Variants in COL28A1 observed in about 807,000 individuals in gnomAD.
The protein encoded by COL28A1 is collagen type XXVIII alpha 1 chain.
Under a neutral mutation model 150.2 loss-of-function variants are expected in COL28A1, and 161 were observed. The observed-to-expected ratio is 1.07, with a 90% CI of 0.94 to 1.22. COL28A1 has a LOEUF of 1.22. COL28A1 is among the 50% of genes most tolerant of loss of function. The pLI, the probability that COL28A1 is intolerant of heterozygous loss-of-function variation, is 0.00. For synonymous variants in COL28A1, 552 were observed against 469.7 expected, an observed-to-expected ratio of 1.18 and a Z score of -2.26; for missense variants, 1,617 against 1,388.3, an observed-to-expected ratio of 1.16 and a Z score of -2.62.
At chr7:7,421,298 A>G (rs2128308702) in intron 25 of COL28A1, among the ~76,000 whole-genome samples, 1 of 152,322 alleles carries the variant, frequency 6.6e-6, no homozygotes, top group East Asian at 1.9e-4. Flanking sequence ...GGGGCCAGGG[A>G]CAGCAACATG....
upstream of COL28A1, among the ~76,000 whole-genome samples, chr7:7,540,677 T>C (rs1417522626): frequency 6.6e-6 from 1 of 152,216 alleles, no homozygotes; most frequent in Non-Finnish European, 1.5e-5. Context: ...GTATGGCTAA[T>C]AATTTATATT....
At chr7:7,338,444 C>A in the COL28A1 span, among the ~76,000 whole-genome samples, 2 of 151,842 alleles carry the variant, frequency 1.3e-5, no homozygotes, top group Admixed American at 6.6e-5. Context: ...GTATTTTATT[C>A]TTTGTAGCTA....
the COL28A1 span, among the ~76,000 whole-genome samples, chr7:7,341,731 TTTC>T: frequency 2.6e-5 from 4 of 152,188 alleles, no homozygotes; most frequent in Non-Finnish European, 4.4e-5. Context: ...TAGAAATGTG[TTTC>T]TTCATTTATA....
At chr7:7,529,656 C>G (rs1187402021) in intron 3 of COL28A1, among the ~76,000 whole-genome samples, 1 of 152,214 alleles carries the variant, frequency 6.6e-6, no homozygotes, top group Non-Finnish European at 1.5e-5. Context: ...ATATGAACAA[C>G]CTGAGCCTAC....
chr7:7,394,263 C>T (rs372334452), intron 27 of COL28A1, among the ~76,000 whole-genome samples: 3 of 152,100 alleles, frequency 2.0e-5, no homozygotes, highest in East Asian at 3.9e-4. Flanking sequence ...GTGTGCTGCC[C>T]CCACTGTCTA....
the COL28A1 span, among the ~76,000 whole-genome samples, chr7:7,542,116 G>A: frequency 6.6e-6 from 1 of 152,180 alleles, no homozygotes; most frequent in South Asian, 2.1e-4. Flanking sequence ...TTGGGAGGCC[G>A]AGGCGGGCAG....
At position 7,523,458 on chromosome 7, in the gene COL28A1, GT is replaced by G. The variant is rs961728624; in HGVS notation, c.702+770del. ...CAGGCGTGAGCGACCATGCCTGGCC[GT>G]TTTTTTTTTCCTTTCTTAATGGTAC... On this transcript the variant is annotated intron_variant, in intron 4 of 34. Coordinates refer to ENST00000399429, the MANE Select transcript of COL28A1 (RefSeq NM_001037763.3). 1.8e-4 allele frequency among the ~76,000 whole-genome samples: 26 copies of G among 147,710 alleles called. 1 individual carries two copies. The highest frequency in any genetic ancestry group is 5.0e-4 in the African/African-American group (20 of 40,358).
In COL28A1 at chr7:7,383,455, T is replaced by C. The variant is rs185999120; in HGVS notation, c.2137-1843A>G. On this transcript the variant is annotated intron_variant, in intron 27 of 34. Transcript: ENST00000399429. ...CACTATGCCTGGCTAATTTTTGTAT[T>C]TTTAGTAGAGACAGGGTTTCACCAT... Among the ~76,000 whole-genome samples, 1,232 of 151,834 alleles carry C rather than the reference T, an allele frequency of 8.1e-3. 25 individuals carry two copies. The highest frequency in any genetic ancestry group is 0.029 in the African/African-American group (1,183 of 41,382).
chr7:7,402,909 G>C (rs1432556860), intron 27 of COL28A1, among the ~76,000 whole-genome samples: 1 of 152,198 alleles, frequency 6.6e-6, no homozygotes, highest in Non-Finnish European at 1.5e-5. Context: ...TACTGAGGAA[G>C]ACTACAGACA....
chr7:7,453,660 A>G (rs748241262), intron 16 of COL28A1, 152 bp from the exon 17 acceptor site: 1 of 598,480 alleles, frequency 1.7e-6, no homozygotes, highest in Non-Finnish European at 2.9e-6. Context: ...TTAAACCACA[A>G]TTTGCATTCT....
the COL28A1 span, among the ~76,000 whole-genome samples, chr7:7,542,075 T>A: frequency 6.6e-6 from 1 of 152,120 alleles, no homozygotes; most frequent in Admixed American, 6.5e-5. Context: ...TGGGGCTGGG[T>A]GCGGTGGCTC....
intron 27 of COL28A1, among the ~76,000 whole-genome samples, chr7:7,384,013 C>T (rs1782042393): frequency 6.6e-6 from 1 of 152,126 alleles, no homozygotes; most frequent in Non-Finnish European, 1.5e-5. Flanking sequence ...CCTCTCACGG[C>T]ACATTGGCTT....
Position 7,358,564 on chromosome 7 carries a change from T to C in COL28A1, c.*69A>G. 2.8e-6 allele frequency: 4 copies of C among 1,413,684 alleles called. No individual in the cohort carries two copies. The highest frequency in any genetic ancestry group is 2.3e-5 in the East Asian group (1 of 43,878). 87.6% of individuals were successfully genotyped at this position (1,413,684 alleles called of 1,614,324 possible). A position where few individuals can be genotyped will look rare whatever the true frequency, so the allele number is the denominator to read the frequency against. ...TATACACTCAAATATAGTGCTGTAT[T>C]TGTATTGGGTGAATATGTGGAAATT... On this transcript the variant is annotated 3_prime_UTR_variant, in exon 35 of 35. Transcript: ENST00000399429.
chr7:7,503,780 A>C (rs1202083999), intron 11 of COL28A1, among the ~76,000 whole-genome samples: 10 of 152,174 alleles, frequency 6.6e-5, no homozygotes, highest in Admixed American at 2.6e-4. Flanking sequence ...GTGTCAAAGT[A>C]AGAGTACAGA....
chr7:7,427,049 G>A (rs1784679499), intron 25 of COL28A1, among the ~76,000 whole-genome samples: 2 of 152,106 alleles, frequency 1.3e-5, no homozygotes, highest in African/African-American at 2.4e-5. Flanking sequence ...GTGTCTCCAG[G>A]GCTGAAGGAA....
At chr7:7,519,844 TACTG>T (rs1353524806) in intron 6 of COL28A1, among the ~76,000 whole-genome samples, 2 of 152,204 alleles carry the variant, frequency 1.3e-5, no homozygotes, top group South Asian at 2.1e-4. Flanking sequence ...TTCCTAAACT[TACTG>T]ACTAAAATGT....
chr7:7,453,470 C>T lies in COL28A1; in HGVS notation c.1410G>A (p.Gly470=). Residue 470 remains glycine (G), a synonymous_variant, in exon 17 of 35, where the codon GGG becomes GGA. Transcript: ENST00000399429. ...AACCAGGTAAGCCCTGTCCTGCGGG[C>T]CCTTGTGGACCAGGTGGACCAATAG... ...QGPIGPPGPQ[G]PAGQGLPGSK... is the part of the protein sequence containing the mutation. 1 of 1,301,162 alleles carries T rather than the reference C, an allele frequency of 7.7e-7. No homozygotes were observed. The highest frequency in any genetic ancestry group is 1.2e-5 in the South Asian group (1 of 83,928). 80.6% of individuals were successfully genotyped at this position (1,301,162 alleles called of 1,614,324 possible).
intron 11 of COL28A1, among the ~76,000 whole-genome samples, chr7:7,503,893 T>C (rs1017529403): frequency 2.0e-5 from 3 of 152,192 alleles, no homozygotes; most frequent in African/African-American, 7.2e-5. Context: ...AGCTTTTTGA[T>C]TGGCAATGAA....
downstream of COL28A1, among the ~76,000 whole-genome samples, chr7:7,355,523 T>C (rs1020051560): frequency 7.9e-5 from 12 of 151,998 alleles, no homozygotes; most frequent in Non-Finnish European, 1.5e-4. Flanking sequence ...GGTGAGAGGA[T>C]CACTTGAGTC....
Sources: allele counts gnomAD v4.1 joint callset (sites outside exome capture counted in the v4.1 genomes callset), GRCh38; gene constraint gnomAD v4.1.1; transcripts MANE v1.5; gene names NCBI Gene and HGNC (gene_info 2026-07-23, HGNC 2026-07-21).